Variants in RFX3 observed in about 807,000 individuals in gnomAD.
The protein encoded by RFX3 is regulatory factor X3.
In RFX3, 14 loss-of-function variants were observed where a neutral mutation model predicts 98.6. The observed-to-expected ratio is 0.14, with a 90% CI of 0.09 to 0.22. The LOEUF (loss-of-function observed/expected upper bound fraction) is 0.22, where lower values mean the gene tolerates loss of function less well. Among genes scored for constraint, RFX3 ranks in the 10% least tolerant of loss-of-function variants. RFX3 has a pLI of 1.00. For missense variants in RFX3, 639 were observed against 926.9 expected, an observed-to-expected ratio of 0.69 and a Z score of 4.03; for synonymous variants, 383 against 328.4, an observed-to-expected ratio of 1.17 and a Z score of -1.80.
At chr9:3,467,956 T>C (rs957351592) in intron 1 of RFX3, among the ~76,000 whole-genome samples, 1 of 152,198 alleles carries the variant, frequency 6.6e-6, no homozygotes, top group Non-Finnish European at 1.5e-5. Flanking sequence ...CTTCTGGGTA[T>C]GTGTCATGGG....
intron 2 of RFX3, chr9:3,364,830 T>C (rs1380528345): frequency 1.3e-5 from 2 of 152,280 alleles, no homozygotes; most frequent in African/African-American, 4.8e-5. Flanking sequence ...CTGGGTCTTT[T>C]TAAGCAAATG....
intron 1 of RFX3, among the ~76,000 whole-genome samples, chr9:3,503,286 T>C (rs945350889): frequency 6.6e-6 from 1 of 152,130 alleles, no homozygotes. Flanking sequence ...AAAATAAATA[T>C]TGTATATATA....
At chr9:3,259,496 T>G (rs1822579129) in intron 13 of RFX3, among the ~76,000 whole-genome samples, 1 of 76,472 alleles carries the variant, frequency 1.3e-5, no homozygotes, top group South Asian at 6.5e-4. Context: ...CTTAGAGATG[T>G]TCTTAAATTA....
Position 3,330,994 on chromosome 9 carries a change from G to C in RFX3, c.216-477C>G, listed in dbSNP as rs116777584. ...CTCCATGACTAAAGGAGCTATCATG[G>C]ATCTCTTTCTTACCTCCATAAGGAT... On this transcript the variant is annotated intron_variant, in intron 3 of 16. Coordinates refer to ENST00000617270, the MANE Select transcript of RFX3 (RefSeq NM_001282116.2). Among the ~76,000 whole-genome samples, 904 of 152,262 alleles carry C rather than the reference G, an allele frequency of 5.9e-3. 11 individuals carry two copies. The highest frequency in any genetic ancestry group is 0.02 in the African/African-American group (842 of 41,564).
intron 1 of RFX3, among the ~76,000 whole-genome samples, chr9:3,469,840 C>A (rs183738181): frequency 0.015 from 2,217 of 148,372 alleles, 70 homozygotes; most frequent in African/African-American, 0.052. Context: ...AGCGTGACTC[C>A]GTCTCAAAAA....
At chr9:3,516,027 C>A (rs1381195135) in intron 1 of RFX3, among the ~76,000 whole-genome samples, 1 of 151,942 alleles carries the variant, frequency 6.6e-6, no homozygotes, top group African/African-American at 2.4e-5. Flanking sequence ...AGTCTACTAA[C>A]CAAAGTAGTA....
rs186444109 is a variant in RFX3, at chr9:3,525,463, A to T, written c.-9+284T>A. On this transcript the variant is annotated intron_variant, in intron 1 of 16. Transcript: ENST00000617270. ...CTCCCGCTCGGCTCGCAGCCCCCCA[A>T]GCTCCCGCTCCATCCCTGAAGTGCG... 3.5e-4 allele frequency among the ~76,000 whole-genome samples: 53 copies of T among 152,046 alleles called. No individual in the cohort carries two copies. The East Asian group carries it at 9.9e-3, about 28-fold the overall frequency.
At chr9:3,377,176 A>G (rs1838635456) in intron 2 of RFX3, among the ~76,000 whole-genome samples, 1 of 152,258 alleles carries the variant, frequency 6.6e-6, no homozygotes, top group Admixed American at 6.5e-5. Flanking sequence ...TCACAATAGC[A>G]AAGAGTTGGA....
intron 16 of RFX3, among the ~76,000 whole-genome samples, 155 bp downstream of exon 16, chr9:3,228,692 G>T (rs1818086686): frequency 6.6e-6 from 1 of 152,158 alleles, no homozygotes; most frequent in Non-Finnish European, 1.5e-5. Flanking sequence ...GGGAAAAATG[G>T]AGAAATAATG....
rs142575981 is a variant in RFX3, at chr9:3,327,708, G to A, written c.474+2551C>T. Among the ~76,000 whole-genome samples, 908 of 151,990 alleles carry A rather than the reference G, an allele frequency of 6.0e-3. 3 individuals carry two copies. Among genetic ancestry groups the A allele is most frequent in the Non-Finnish European group, 9.6e-3 (655 of 67,950 alleles). On this transcript the variant is annotated intron_variant, in intron 4 of 16. Transcript: ENST00000617270. ...TAGTATAAAATTAATATGTACAACT[G>A]ATATTATAAATTGGTGTTTTGTAAC...
intron 1 of RFX3, among the ~76,000 whole-genome samples, chr9:3,474,649 C>A (rs1407902969): frequency 6.6e-6 from 1 of 152,148 alleles, no homozygotes; most frequent in African/African-American, 2.4e-5. Flanking sequence ...CAAGTGGCAG[C>A]CAAGACTCTG....
chr9:3,414,954 G>T (rs1339921303), intron 1 of RFX3, among the ~76,000 whole-genome samples: 1 of 131,256 alleles, frequency 7.6e-6, no homozygotes, highest in Non-Finnish European at 1.6e-5. Context: ...ACATATATGT[G>T]TGTGTATATA....
chr9:3,508,671 C>T (rs1050364049), intron 1 of RFX3, among the ~76,000 whole-genome samples: 3 of 151,948 alleles, frequency 2.0e-5, no homozygotes, highest in African/African-American at 7.2e-5. Context: ...GAAGGTTTAT[C>T]TGTGGGGATT....
chr9:3,273,421 G>A (rs1018532754), intron 9 of RFX3, among the ~76,000 whole-genome samples: 2 of 152,038 alleles, frequency 1.3e-5, no homozygotes, highest in Non-Finnish European at 2.9e-5. Flanking sequence ...TTTGAAAATG[G>A]TATGTTAATA....
At chr9:3,455,347 T>C (rs1001283004) in intron 1 of RFX3, among the ~76,000 whole-genome samples, 1 of 152,180 alleles carries the variant, frequency 6.6e-6, no homozygotes, top group African/African-American at 2.4e-5. Flanking sequence ...GCATATTCTT[T>C]CTTAATTCAG....
intron 1 of RFX3, among the ~76,000 whole-genome samples, chr9:3,493,665 C>A (rs1229195568): frequency 9.3e-6 from 1 of 107,334 alleles, no homozygotes; most frequent in East Asian, 2.6e-4. Context: ...GCCTGGGCGA[C>A]AAAGCGAGAC....
rs150801468 is a variant in RFX3, at chr9:3,236,621, G to C, written c.1969-7732C>G. Among the ~76,000 whole-genome samples, 497 of 152,296 alleles carry C rather than the reference G, an allele frequency of 3.3e-3. 4 individuals are homozygous for C. The highest frequency in any genetic ancestry group is 0.011 in the African/African-American group (476 of 41,560). ...GCAGAGGTGGGCAGTCAGAGGCCAA[G>C]GTGCTGGCATGTTATCAGATGGCGG... On this transcript the variant is annotated intron_variant, in intron 15 of 16. Coordinates refer to ENST00000617270, the MANE Select transcript of RFX3 (RefSeq NM_001282116.2).
intron 1 of RFX3, among the ~76,000 whole-genome samples, chr9:3,469,832 C>T (rs927800113): frequency 2.0e-5 from 3 of 148,328 alleles, no homozygotes; most frequent in Non-Finnish European, 4.4e-5. Flanking sequence ...GGTGACAGAG[C>T]GTGACTCCGT....
intron 4 of RFX3, among the ~76,000 whole-genome samples, chr9:3,315,572 C>A (rs1445601271): frequency 1.3e-5 from 2 of 152,034 alleles, no homozygotes; most frequent in Non-Finnish European, 2.9e-5. Flanking sequence ...TTCAAAAAAT[C>A]AATGAATCCA....
Sources: gnomAD v4.1 joint callset for allele counts (sites outside exome capture counted in the v4.1 genomes callset) on GRCh38, gnomAD v4.1.1 for gene constraint, MANE v1.5 for transcripts, NCBI Gene and HGNC (gene_info 2026-07-23, HGNC 2026-07-21) for gene names.